TMEM92: variants seen among roughly 807,000 people sequenced by gnomAD.
TMEM92 encodes transmembrane protein 92.
Under a neutral mutation model 14.6 loss-of-function variants are expected in TMEM92, and 15 were observed. The observed-to-expected ratio is 1.03, with a 90% CI of 0.69 to 1.58. The LOEUF (loss-of-function observed/expected upper bound fraction) is 1.58, where lower values mean the gene tolerates loss of function less well. Among genes scored for constraint, TMEM92 ranks in the 40% most tolerant of loss-of-function variants. The pLI is 0.00. For synonymous variants in TMEM92, 85 were observed against 83.3 expected (o/e 1.02, Z -0.11); for missense variants, 174 against 202.4 (o/e 0.86, Z 0.85).
At chr17:50,275,493 G>A (rs1391248512) in intron 1 of TMEM92, among the ~76,000 whole-genome samples, 20 of 151,974 alleles carry the variant, frequency 1.3e-4, no homozygotes, top group Admixed American at 1.2e-3. Flanking sequence ...AACCCCAGGG[G>A]CGAGGTGCTG....
chr17:50,279,306 T>C lies in TMEM92; in HGVS notation c.478T>C (p.Ter160ArgextTer61). ...DQRGIDNPAF[*>R] The stretch of plus-strand genomic sequence containing the variant: ...GAGGGGCATTGACAACCCGGCCTTC[T>C]GAGTCACCTCCTGCCTGGAATCTTG... Residue 160 changes from the stop codon to arginine, a stop_lost, in exon 5 of 5, where the codon TGA becomes CGA. Coordinates refer to ENST00000507382, the MANE Select transcript of TMEM92 (RefSeq NM_153229.3). 3 of 1,613,672 alleles carry C rather than the reference T, an allele frequency of 1.9e-6. No individual in the cohort carries two copies. The highest frequency in any genetic ancestry group is 2.5e-6 in the Non-Finnish European group (3 of 1,179,654).
At chr17:50,276,109 C>T (rs2143044708) in intron 1 of TMEM92, among the ~76,000 whole-genome samples, 1 of 151,328 alleles carries the variant, frequency 6.6e-6, no homozygotes. Flanking sequence ...CCAGCCTGGG[C>T]AACAGAGCTA....
intron 4 of TMEM92, 94 bp downstream of exon 4, chr17:50,279,090 C>A: frequency 7.0e-7 from 1 of 1,430,178 alleles, no homozygotes; most frequent in African/African-American, 1.4e-5. Flanking sequence ...ACTCTGCACC[C>A]AGCATTGGGT....
At chr17:50,273,620 G>A (rs1463229599), upstream of TMEM92, among the ~76,000 whole-genome samples, 14 of 152,252 alleles carry the variant, frequency 9.2e-5, no homozygotes, top group Admixed American at 9.2e-4. Flanking sequence ...CCCACGTTGT[G>A]CTCCTGGTCT....
In TMEM92 at chr17:50,274,470, A is replaced by G; in HGVS notation, c.-32A>G. 4 of 1,612,700 alleles carry G rather than the reference A, an allele frequency of 2.5e-6. No individual in the cohort carries two copies. Among genetic ancestry groups the G allele is most frequent in the Non-Finnish European group, 2.5e-6 (3 of 1,178,998 alleles). On this transcript the variant is annotated 5_prime_UTR_variant, in exon 1 of 5. Transcript: ENST00000507382. ...GAGAGGTCGCAGCCCCGCCTTCTCT[A>G]CACAGGAAAGCTCAGTGGCCCCCAA...
chr17:50,279,178 C>T lies in TMEM92; in HGVS notation c.367-17C>T, dbSNP rs2143057868. ...GGGCCAGGGCCCAGAAGACTGAATT[C>T]TCTCTTTTCCCTGCAGGTGATTCTG... On this transcript the variant is annotated splice_polypyrimidine_tract_variant and intron_variant, in intron 4 of 4. Coordinates refer to ENST00000507382, the MANE Select transcript of TMEM92 (RefSeq NM_153229.3). The T allele has an allele frequency of 6.2e-7, 1 of 1,611,118 alleles. No individual in the cohort carries two copies. Among genetic ancestry groups the T allele is most frequent in the Non-Finnish European group, 8.5e-7 (1 of 1,177,282 alleles).
chr17:50,272,273 C>A (rs562465170), upstream of TMEM92, among the ~76,000 whole-genome samples: 6 of 152,046 alleles, frequency 3.9e-5, no homozygotes, highest in Non-Finnish European at 8.8e-5. Flanking sequence ...CCCTTGAGTT[C>A]CCACATGCCC....
upstream of TMEM92, among the ~76,000 whole-genome samples, chr17:50,274,072 G>A (rs1416286948): frequency 6.6e-5 from 10 of 152,086 alleles, no homozygotes; most frequent in Non-Finnish European, 8.8e-5. Context: ...TCTGCTTCCC[G>A]GGTTCAAGCG....
In TMEM92 at chr17:50,278,519, C is replaced by A. The variant is rs754686768; in HGVS notation, c.96-37C>A. On this transcript the variant is annotated intron_variant, in intron 2 of 4. Transcript: ENST00000507382. The stretch of plus-strand genomic sequence containing the variant: ...TTCTGCCTCTCCATTCTGGTGCCAG[C>A]AACTTCTCCTTGCCCTTTTCTGTGC... 1.1e-5 allele frequency: 17 copies of A among 1,610,484 alleles called. No individual in the cohort carries two copies. In the East Asian group the frequency reaches 3.6e-4, roughly 34 times the overall value.
rs575432829 is a variant in TMEM92, at chr17:50,274,536, C to T, written c.35C>T (p.Thr12Ile). The stretch of plus-strand genomic sequence containing the variant: ...GCTTGGGTCCCCGGCCTCGCGCCCA[C>T]CTTGCTGTTCAGCCTGCTGGCTGGC... Reference protein sequence around the residue: ...SQAWVPGLAPTLLFSLLAGPQ... With the variant: ...SQAWVPGLAPILLFSLLAGPQ... The change falls in exon 1 of 5, where the codon ACC becomes ATC. Residue 12 changes from threonine to isoleucine, a missense_variant. By Grantham distance (89) the Thr-to-Ile change is moderately conservative. Transcript: ENST00000507382. The T allele has an allele frequency of 3.8e-5, 61 of 1,614,042 alleles. No homozygotes were observed. Among genetic ancestry groups the T allele is most frequent in the Middle Eastern group, 1.7e-4 (1 of 6,060 alleles).
upstream of TMEM92, among the ~76,000 whole-genome samples, chr17:50,272,118 C>T (rs1052171510): frequency 1.1e-4 from 16 of 152,030 alleles, no homozygotes; most frequent in Admixed American, 1.3e-4. Context: ...GTCTTTTGTC[C>T]GGCAACCCTA....
upstream of TMEM92, among the ~76,000 whole-genome samples, chr17:50,273,324 C>T (rs1162892958): frequency 6.6e-6 from 1 of 152,184 alleles, no homozygotes; most frequent in Admixed American, 6.5e-5. Flanking sequence ...GCGACGCTGC[C>T]ACCTGCCGGC....
chr17:50,274,576 AC>A lies in TMEM92; in HGVS notation c.69+7del, dbSNP rs1910366088. On this transcript the variant is annotated splice_region_variant and intron_variant, in intron 1 of 4. Transcript: ENST00000507382. Reference sequence around the variant, plus strand: ...TGCTGGCTGGCCCCCAAAAGGTGAGACTGGGAGGTAAGGTTGTTGAACTTTT... The same window carrying A: ...TGCTGGCTGGCCCCCAAAAGGTGAGATGGGAGGTAAGGTTGTTGAACTTTT... 3 of 1,612,866 alleles carry A rather than the reference AC, an allele frequency of 1.9e-6. No homozygotes were observed. In the South Asian group the frequency reaches 3.3e-5, roughly 18 times the overall value.
At position 50,279,259 on chromosome 17, in the gene TMEM92, C is replaced by T. The variant is rs1406382784; in HGVS notation, c.431C>T (p.Pro144Leu). The change falls in exon 5 of 5, where the codon CCT becomes CTT. Residue 144 changes from proline (P) to leucine (L), a missense_variant. Pro to Leu is a moderately conservative substitution (Grantham distance 98). Coordinates refer to ENST00000507382, the MANE Select transcript of TMEM92 (RefSeq NM_153229.3). ...TEPPPPYSFR[P>L]EEYTGDQRGI... ...CCACCCCCTCCCTACAGCTTCAGGC[C>T]TGAAGAATATACCGGGGATCAGAGG... 5.6e-6 allele frequency: 9 copies of T among 1,613,736 alleles called. No individual in the cohort carries two copies. The East Asian group carries it at 2.0e-4, about 36-fold the overall frequency.
chr17:50,278,897 C>T lies in TMEM92; in HGVS notation c.267C>T (p.Asp89=). 2 of 1,613,918 alleles carry T rather than the reference C, an allele frequency of 1.2e-6. No homozygotes were observed. The highest frequency in any genetic ancestry group is 1.3e-5 in the African/African-American group (1 of 74,994). Residue 89 remains aspartate (D), a synonymous_variant, in exon 4 of 5, where the codon GAC becomes GAT. Coordinates refer to ENST00000507382, the MANE Select transcript of TMEM92 (RefSeq NM_153229.3). ...FCRNCREPEP[D]SPVDCRGPLE... ...GCAACTGCAGAGAGCCGGAGCCAGACAGCCCAGTGGATTGCCGGGGGCCCC... is the reference window on the plus strand; with the variant it reads ...GCAACTGCAGAGAGCCGGAGCCAGATAGCCCAGTGGATTGCCGGGGGCCCC...
At position 50,278,827 on chromosome 17, in the gene TMEM92, TC is replaced by T; in HGVS notation, c.199del (p.Leu67CysfsTer57). 6.2e-7 allele frequency: 1 copy of T among 1,612,902 alleles called. No homozygotes were observed. The highest frequency in any genetic ancestry group is 8.5e-7 in the Non-Finnish European group (1 of 1,179,584). ...ATCTTCGTCATCATCTTCCTGGTCA[TC>T]CTGTCCGTCTTTTGCATCTGTGGCC... ...VRIFVIIFLVILSVFCICGLA... is the reference protein window; with the variant it reads ...VRIFVIIFLVXLSVFCICGLA... On this transcript the variant is annotated frameshift_variant, in exon 4 of 5. Coordinates refer to ENST00000507382, the MANE Select transcript of TMEM92 (RefSeq NM_153229.3). LOFTEE classifies it high-confidence loss of function.
upstream of TMEM92, among the ~76,000 whole-genome samples, chr17:50,273,825 G>A (rs1028481662): frequency 2.6e-5 from 4 of 152,124 alleles, no homozygotes; most frequent in Admixed American, 1.3e-4. Flanking sequence ...GTCCAGATAA[G>A]AAGGGGCTTC....
Position 50,278,436 on chromosome 17 carries a change from A to G in TMEM92, c.96-120A>G, listed in dbSNP as rs1183577056. The G allele has an allele frequency of 4.4e-5, 48 of 1,090,424 alleles. 1 individual carries two copies. The South Asian group carries it at 6.8e-4, about 16-fold the overall frequency. 67.5% of individuals were successfully genotyped at this position (1,090,424 alleles called of 1,614,324 possible). The stretch of plus-strand genomic sequence containing the variant: ...GAGCGGGGGCCATACCCCCCACCCC[A>G]CTAAGGGGTGGCTTGTGCCATGAGC... On this transcript the variant is annotated intron_variant, in intron 2 of 4. Coordinates refer to ENST00000507382, the MANE Select transcript of TMEM92 (RefSeq NM_153229.3).
At position 50,277,601 on chromosome 17, in the gene TMEM92, A is replaced by C; in HGVS notation, c.70-114A>C. On this transcript the variant is annotated intron_variant, in intron 1 of 4. Coordinates refer to ENST00000507382, the MANE Select transcript of TMEM92 (RefSeq NM_153229.3). ...GGGGGTGGCTTGCAGGAAGAGGCTGAGTCTACTGGGGACCTGCTGCCTGTG... is the reference window on the plus strand; with the variant it reads ...GGGGGTGGCTTGCAGGAAGAGGCTGCGTCTACTGGGGACCTGCTGCCTGTG... 5.6e-6 allele frequency: 7 copies of C among 1,246,092 alleles called. No individual in the cohort carries two copies. In the South Asian group the frequency reaches 8.7e-5, roughly 16 times the overall value. 77.2% of individuals were successfully genotyped at this position (1,246,092 alleles called of 1,614,324 possible).
Sources: allele counts gnomAD v4.1 joint callset (sites outside exome capture counted in the v4.1 genomes callset), GRCh38; gene constraint gnomAD v4.1.1; transcripts MANE v1.5; gene names NCBI Gene and HGNC (gene_info 2026-07-23, HGNC 2026-07-21).